Variants in KLF5 observed in about 807,000 individuals in gnomAD.
KLF5 encodes the protein KLF transcription factor 5, also known as Krueppel-like factor 5.
KLF5 carries 9 observed loss-of-function variants against 36.9 expected under a neutral mutation model. That is an observed-to-expected ratio of 0.24 (90% CI 0.15 to 0.43). The LOEUF is 0.43. KLF5 is among the 20% of genes least tolerant of loss of function. KLF5 has a pLI of 1.00. For missense variants in KLF5, 524 were observed against 599.5 expected (o/e 0.87, Z 1.31); for synonymous variants, 246 against 241.7 (o/e 1.02, Z -0.17).
intron 3 of KLF5, 52 bp downstream of exon 3, chr13:73,063,935 A>T: frequency 9.5e-7 from 1 of 1,054,212 alleles, no homozygotes; most frequent in Non-Finnish European, 1.5e-6. Flanking sequence ...TGTAAGTGGT[A>T]TTCATCCTTT....
At chr13:73,056,988 T>C (rs185352128), upstream of KLF5, among the ~76,000 whole-genome samples, 780 of 152,112 alleles carry the variant, frequency 5.1e-3, 10 homozygotes, top group Non-Finnish European at 9.2e-3. Flanking sequence ...TAAAAAGTGG[T>C]GTGAAATTAT....
chr13:73,064,822 G>A (rs1185912921), intron 3 of KLF5, among the ~76,000 whole-genome samples: 3 of 152,136 alleles, frequency 2.0e-5, no homozygotes, highest in South Asian at 2.1e-4. Flanking sequence ...GATTACAGGC[G>A]TGAGCCACCG....
At chr13:73,075,627 C>A in intron 3 of KLF5, 81 bp from the exon 4 acceptor site, 1 of 1,208,786 alleles carries the variant, frequency 8.3e-7, no homozygotes, top group Non-Finnish European at 1.1e-6. Flanking sequence ...TTTTTTTTTT[C>A]TTTGAAATTC....
intron 1 of KLF5, chr13:73,059,892 C>T (rs1021558427): frequency 1.3e-6 from 1 of 744,524 alleles, no homozygotes; most frequent in Non-Finnish European, 1.6e-6. Flanking sequence ...TTTTCTTACA[C>T]TTGAGGGACG....
chr13:73,057,394 G>A (rs1349350696), upstream of KLF5, among the ~76,000 whole-genome samples: 2 of 152,168 alleles, frequency 1.3e-5, no homozygotes, highest in African/African-American at 4.8e-5. Context: ...GACAGCATGG[G>A]GCTGCTTGGT....
At chr13:73,075,630 T>C in intron 3 of KLF5, 78 bp from the exon 4 acceptor site, 7 of 1,271,588 alleles carry the variant, frequency 5.5e-6, no homozygotes, top group Non-Finnish European at 7.5e-6. Context: ...TTTTTTTCTT[T>C]GAAATTCCTT....
chr13:73,075,587 A>T (rs2044753748), intron 3 of KLF5, 121 bp from the exon 4 acceptor site: 1 of 801,812 alleles, frequency 1.2e-6, no homozygotes, highest in African/African-American at 1.7e-5. Flanking sequence ...AATGGAATTC[A>T]TGAGCTTTCC....
At position 73,062,830 on chromosome 13, in the gene KLF5, C is replaced by G. The variant is rs531650314; in HGVS notation, c.1135+96C>G. 1.3e-5 allele frequency: 14 copies of G among 1,040,072 alleles called. No homozygotes were observed. The Admixed American group carries it at 3.3e-4, about 24-fold the overall frequency. The allele number at this position is 1,040,072 out of a possible 1,614,324, so 64.4% of individuals were successfully genotyped here. A position where few individuals can be genotyped will look rare whatever the true frequency, so the allele number is the denominator to read the frequency against. ...GTGTGCGTGTGTGCACGCGCGTGCC[C>G]TTTTCAACCTCATGGCTTTAAATAG... On this transcript the variant is annotated intron_variant, in intron 2 of 3. Transcript: ENST00000377687.
chr13:73,059,358 C>A lies in KLF5; in HGVS notation c.31C>A (p.Arg11Ser). The A allele has an allele frequency of 7.1e-7, 1 of 1,417,278 alleles. No homozygotes were observed. The highest frequency in any genetic ancestry group is 2.7e-5 in the Admixed American group (1 of 36,524). 87.8% of individuals were successfully genotyped at this position (1,417,278 alleles called of 1,614,324 possible). A position where few individuals can be genotyped will look rare whatever the true frequency, so the allele number is the denominator to read the frequency against. ...TACAAGGGTGCTGAGCATGAGCGCC[C>A]GCCTGGGACCCGTGCCCCAGCCGCC... is the stretch of plus-strand genomic sequence containing the variant. The part of the protein sequence containing the change: MATRVLSMSA[R>S]LGPVPQPPAP... The change falls in exon 1 of 4, where the codon CGC (arginine) becomes AGC (serine). Residue 11 changes from arginine (R) to serine (S), a missense_variant. Transcript: ENST00000377687.
At chr13:73,061,494 C>G (rs1202388586) in intron 1 of KLF5, among the ~76,000 whole-genome samples, 1 of 152,194 alleles carries the variant, frequency 6.6e-6, no homozygotes, top group Non-Finnish European at 1.5e-5. Context: ...ATACTGTACT[C>G]TAATTGCAAA....
At chr13:73,068,703 CAAAAAAA>C (rs59878653) in intron 3 of KLF5, among the ~76,000 whole-genome samples, 11 of 93,222 alleles carry the variant, frequency 1.2e-4, no homozygotes, top group South Asian at 4.1e-4. Context: ...GACTCCATCT[CAAAAAAA>C]AAAAAAAAAA....
At position 73,075,944 on chromosome 13, in the gene KLF5, C is replaced by A; in HGVS notation, c.*58C>A. ...GGGCTCCCTCAAATGACAGACCTAA[C>A]TATTCCTGTGTAAAAACAACAAAAA... On this transcript the variant is annotated 3_prime_UTR_variant, in exon 4 of 4. Transcript: ENST00000377687. The A allele has an allele frequency of 7.4e-7, 1 of 1,350,272 alleles. No individual in the cohort carries two copies. The highest frequency in any genetic ancestry group is 9.8e-7 in the Non-Finnish European group (1 of 1,020,364). 83.6% of individuals were successfully genotyped at this position (1,350,272 alleles called of 1,614,324 possible). A position where few individuals can be genotyped will look rare whatever the true frequency, so the allele number is the denominator to read the frequency against.
chr13:73,074,113 A>G (rs2044741788), intron 3 of KLF5, among the ~76,000 whole-genome samples: 1 of 152,208 alleles, frequency 6.6e-6, no homozygotes, highest in Admixed American at 6.5e-5. Context: ...CTCAAGGGAA[A>G]AAAAATTGGG....
Position 73,059,244 on chromosome 13 carries a change from G to T in KLF5, c.-84G>T. The T allele has an allele frequency of 8.1e-7, 1 of 1,227,670 alleles. No individual in the cohort carries two copies. The highest frequency in any genetic ancestry group is 1.0e-6 in the Non-Finnish European group (1 of 973,824). 76.0% of individuals were successfully genotyped at this position (1,227,670 alleles called of 1,614,324 possible). ...CCTCCCCTCCTCCGCCGGCAGCCCC[G>T]CGCTGAGCTCGCCGACCCAAGCCAG... On this transcript the variant is annotated 5_prime_UTR_variant, in exon 1 of 4. Coordinates refer to ENST00000377687, the MANE Select transcript of KLF5 (RefSeq NM_001730.5).
Position 73,076,834 on chromosome 13 carries a change from A to C in KLF5, c.*948A>C, listed in dbSNP as rs1052673472. On this transcript the variant is annotated 3_prime_UTR_variant, in exon 4 of 4. Coordinates refer to ENST00000377687, the MANE Select transcript of KLF5 (RefSeq NM_001730.5). ...TTGCATTTATGATGCAGTTTCAAGTACCAAAACGTTGAATTGATGATGCAG... is the reference window on the plus strand; with the variant it reads ...TTGCATTTATGATGCAGTTTCAAGTCCCAAAACGTTGAATTGATGATGCAG... The C allele has an allele frequency of 6.6e-6, 1 of 152,226 alleles. No homozygotes were observed. The highest frequency in any genetic ancestry group is 2.4e-5 in the African/African-American group (1 of 41,452). The allele number at this position is 152,226 out of a possible 1,614,324, so 9.4% of individuals were successfully genotyped here.
At position 73,062,138 on chromosome 13, in the gene KLF5, C is replaced by T. The variant is rs200707995; in HGVS notation, c.539C>T (p.Pro180Leu). ...CAGAGTGAAACGACTGCCCCTCCTC[C>T]GGCCCCGACCCAGGCCCTCCCTGAG... ...SHQSETTAPP[P>L]APTQALPEFT... is the part of the protein sequence containing the mutation. Residue 180 changes from proline to leucine, a missense_variant, in exon 2 of 4, where the codon CCG becomes CTG. Physicochemically the swap from Pro to Leu is moderately conservative, Grantham distance 98. Around this residue, in one of 4 missense-constraint regions of KLF5, gnomAD observed 454 missense variants for 458.1 expected, o/e 0.99. Transcript: ENST00000377687. The T allele has an allele frequency of 1.2e-5, 20 of 1,614,106 alleles. No individual in the cohort carries two copies. The highest frequency in any genetic ancestry group is 1.1e-4 in the East Asian group (5 of 44,880).
chr13:73,068,859 G>A (rs893181774), intron 3 of KLF5, among the ~76,000 whole-genome samples: 3 of 152,052 alleles, frequency 2.0e-5, no homozygotes, highest in African/African-American at 4.8e-5. Flanking sequence ...TCTTTGGGAG[G>A]CGGAGGCAGG....
chr13:73,068,467 G>A (rs1288397197), intron 3 of KLF5, among the ~76,000 whole-genome samples: 5 of 152,102 alleles, frequency 3.3e-5, no homozygotes, highest in Non-Finnish European at 7.4e-5. Context: ...CACTTGGGAG[G>A]CCGAAGCAGG....
chr13:73,055,150 C>T (rs569479466), upstream of KLF5: 8 of 152,272 alleles, frequency 5.3e-5, no homozygotes, highest in South Asian at 1.7e-3. Flanking sequence ...ATCCCAGTCT[C>T]TCCAAAAGGT....
Sources: gnomAD v4.1 joint callset for allele counts (sites outside exome capture counted in the v4.1 genomes callset) on GRCh38, gnomAD v4.1.1 for gene constraint, gnomAD v4.1.1 regional missense constraint, MANE v1.5 for transcripts, NCBI Gene and HGNC (gene_info 2026-07-23, HGNC 2026-07-21) for gene names.